Variants in GRID2 observed in about 807,000 individuals in gnomAD.
GRID2 encodes glutamate receptor ionotropic, delta-2.
Under a neutral mutation model 114.8 loss-of-function variants are expected in GRID2, and 33 were observed. The observed-to-expected ratio is 0.29, with a 90% CI of 0.22 to 0.38. The LOEUF is 0.38. Ranked by LOEUF, GRID2 falls within the 10% of genes least tolerant of loss-of-function variation. The pLI is 1.00. For missense variants in GRID2, 1,184 were observed against 1,257.7 expected, an observed-to-expected ratio of 0.94 and a Z score of 0.89; for synonymous variants, 505 against 449.9, an observed-to-expected ratio of 1.12 and a Z score of -1.55.
chr4:92,714,644 T>G (rs894083961), intron 2 of GRID2, among the ~76,000 whole-genome samples: 2 of 152,314 alleles, frequency 1.3e-5, no homozygotes, highest in Non-Finnish European at 2.9e-5. Context: ...ACCTCAGTTC[T>G]TGACTTCTAT....
At chr4:93,741,179 A>ATATATATATATATATG (rs1731359714) in intron 14 of GRID2, among the ~76,000 whole-genome samples, 5 of 32,818 alleles carry the variant, frequency 1.5e-4, no homozygotes, top group South Asian at 2.5e-3. Context: ...ATATACATAT[A>ATATATATATATATATG]TATATATATA....
chr4:92,514,605 A>G (rs187493592), intron 1 of GRID2, among the ~76,000 whole-genome samples: 2 of 152,088 alleles, frequency 1.3e-5, no homozygotes, highest in East Asian at 3.9e-4. Flanking sequence ...AAGTTTTCAC[A>G]ATGAAGAATG....
At chr4:93,106,742 T>C (rs750299312) in intron 3 of GRID2, among the ~76,000 whole-genome samples, 49 of 151,404 alleles carry the variant, frequency 3.2e-4, no homozygotes, top group Middle Eastern at 6.8e-3. Context: ...TTTCCTCAAA[T>C]AAGCAAAACT....
chr4:92,766,715 T>C (rs779556321), intron 2 of GRID2, among the ~76,000 whole-genome samples: 3 of 152,108 alleles, frequency 2.0e-5, no homozygotes, highest in Non-Finnish European at 4.4e-5. Context: ...TTGAACAAAA[T>C]TGTTGCTTAC....
rs564715990 is a variant in GRID2, at chr4:92,573,544, T to G, written c.89-16587T>G. On this transcript the variant is annotated intron_variant, in intron 1 of 15. Coordinates refer to ENST00000282020, the MANE Select transcript of GRID2 (RefSeq NM_001510.4). ...TGTCATTAGTTACAAAGAACTTGTT[T>G]GTTTCTACCTTAATTTCATTATTTA... Among the ~76,000 whole-genome samples the G allele has an allele frequency of 3.3e-5, 5 of 152,304 alleles. No individual in the cohort carries two copies. The South Asian group carries it at 1.0e-3, about 32-fold the overall frequency.
At chr4:93,177,248 A>G (rs1378022481) in intron 4 of GRID2, among the ~76,000 whole-genome samples, 1 of 151,522 alleles carries the variant, frequency 6.6e-6, no homozygotes, top group Non-Finnish European at 1.5e-5. Context: ...TTTTTTTTGC[A>G]TTTTTAAAAA....
At chr4:93,091,074 CT>C (rs931820525) in intron 3 of GRID2, among the ~76,000 whole-genome samples, 3 of 151,988 alleles carry the variant, frequency 2.0e-5, no homozygotes, top group Non-Finnish European at 4.4e-5. Flanking sequence ...ATTTATTTGC[CT>C]TTTGTTTGGC....
intron 2 of GRID2, among the ~76,000 whole-genome samples, chr4:92,629,993 C>T (rs1730721745): frequency 6.7e-6 from 1 of 150,022 alleles, no homozygotes; most frequent in African/African-American, 2.4e-5. Context: ...TATAGGAATC[C>T]ATTTGGACAG....
In GRID2 at chr4:93,252,264, G is replaced by C. The variant is rs866886959; in HGVS notation, c.1245+13774G>C. On this transcript the variant is annotated intron_variant, in intron 8 of 15. Transcript: ENST00000282020. ...GTATATGGTATAAGGAAGGGATCCA[G>C]TTTCAATTTCCTGCATATGGCTAGC... 3.4e-5 allele frequency among the ~76,000 whole-genome samples: 5 copies of C among 148,422 alleles called. No individual in the cohort carries two copies. The South Asian group carries it at 8.5e-4, about 25-fold the overall frequency.
intron 1 of GRID2, among the ~76,000 whole-genome samples, chr4:92,443,905 G>C (rs1733284253): frequency 6.6e-6 from 1 of 152,168 alleles, no homozygotes; most frequent in Non-Finnish European, 1.5e-5. Context: ...CCAGAGTTTT[G>C]GGTCCACAGA....
rs1723128850 is a variant in GRID2, at chr4:93,455,761, C to T, written c.1645C>T (p.Leu549Phe). The T allele has an allele frequency of 5.0e-6, 8 of 1,612,112 alleles. No homozygotes were observed. The highest frequency in any genetic ancestry group is 6.8e-6 in the Non-Finnish European group (8 of 1,178,328). Residue 549 changes from leucine (L) to phenylalanine (F), a missense_variant, in exon 11 of 16, where the codon CTT becomes TTT. Transcript: ENST00000282020. Reference protein sequence around the residue: ...RYMDYSVGVLLRRAEKTVDMF... With the variant: ...RYMDYSVGVLFRRAEKTVDMF... ...CATGGACTACTCAGTGGGGGTACTACTTCGAAGGGCTGAAAAGACAGTGGA... is the reference window on the plus strand; with the variant it reads ...CATGGACTACTCAGTGGGGGTACTATTTCGAAGGGCTGAAAAGACAGTGGA...
At chr4:93,465,959 C>T (rs541946263) in intron 11 of GRID2, among the ~76,000 whole-genome samples, 100 of 152,166 alleles carry the variant, frequency 6.6e-4, no homozygotes, top group African/African-American at 2.3e-3. Context: ...AATTAATGAA[C>T]CCAAATTGAG....
intron 2 of GRID2, among the ~76,000 whole-genome samples, chr4:92,831,250 C>G (rs1742080144): frequency 6.6e-6 from 1 of 151,882 alleles, no homozygotes; most frequent in Non-Finnish European, 1.5e-5. Flanking sequence ...AGAAATTTAC[C>G]AAAGAACCAA....
chr4:93,249,087 T>C (rs1415021253), intron 8 of GRID2, among the ~76,000 whole-genome samples: 3 of 152,226 alleles, frequency 2.0e-5, no homozygotes, highest in Non-Finnish European at 4.4e-5. Context: ...GTTTTCTGCA[T>C]ATGGCTAGCC....
chr4:92,498,914 A>G (rs542492915), intron 1 of GRID2, among the ~76,000 whole-genome samples: 1 of 117,470 alleles, frequency 8.5e-6, no homozygotes, highest in South Asian at 3.2e-4. Context: ...AAATGAGACA[A>G]GAACTTATTT....
At chr4:93,164,977 T>C (rs1738108968) in intron 4 of GRID2, 1 of 175,196 alleles carries the variant, frequency 5.7e-6, no homozygotes, top group Non-Finnish European at 1.3e-5. Flanking sequence ...ACACCTGTGT[T>C]CATATCCTTG....
At chr4:92,798,771 T>C (rs555619340) in intron 2 of GRID2, among the ~76,000 whole-genome samples, 1 of 152,160 alleles carries the variant, frequency 6.6e-6, no homozygotes, top group South Asian at 2.1e-4. Flanking sequence ...GACTGCAAAG[T>C]AGATGTTCTC....
intron 2 of GRID2, among the ~76,000 whole-genome samples, chr4:92,943,014 A>C (rs919355884): frequency 3.3e-5 from 5 of 151,974 alleles, no homozygotes; most frequent in African/African-American, 1.2e-4. Flanking sequence ...TATTTCCTTC[A>C]TTTCAGCTTT....
At chr4:93,658,516 A>AT (rs1723213600) in intron 14 of GRID2, among the ~76,000 whole-genome samples, 1 of 152,188 alleles carries the variant, frequency 6.6e-6, no homozygotes, top group Non-Finnish European at 1.5e-5. Context: ...AAAACTGGAG[A>AT]TTACAGAGGT....
Sources: gnomAD v4.1 joint callset for allele counts (sites outside exome capture counted in the v4.1 genomes callset) on GRCh38, gnomAD v4.1.1 for gene constraint, MANE v1.5 for transcripts, NCBI Gene and HGNC (gene_info 2026-07-23, HGNC 2026-07-21) for gene names.